ZDHHC14: variants seen among roughly 807,000 people sequenced by gnomAD.
ZDHHC14 encodes the protein palmitoyltransferase ZDHHC14.
A neutral mutation model predicts 47.7 loss-of-function variants in ZDHHC14; 16 were observed. The ratio of observed to expected loss-of-function variants is 0.34; its 90% confidence interval spans 0.23 to 0.51. The LOEUF (loss-of-function observed/expected upper bound fraction) is 0.51. Among genes scored for constraint, ZDHHC14 ranks in the 20% least tolerant of loss-of-function variants. ZDHHC14 has a pLI of 0.97. For synonymous variants in ZDHHC14, 293 were observed against 278.9 expected, an observed-to-expected ratio of 1.05 and a Z score of -0.50; for missense variants, 515 against 662.5, an observed-to-expected ratio of 0.78 and a Z score of 2.44.
intron 3 of ZDHHC14, among the ~76,000 whole-genome samples, chr6:157,611,136 G>A (rs936245990): frequency 1.3e-5 from 2 of 152,022 alleles, no homozygotes; most frequent in African/African-American, 2.4e-5. Flanking sequence ...AGTAGCTGGG[G>A]CTATAGGCAC....
chr6:157,567,971 A>G (rs1222328221), intron 2 of ZDHHC14, among the ~76,000 whole-genome samples: 9 of 152,166 alleles, frequency 5.9e-5, no homozygotes, highest in Admixed American at 3.9e-4. Context: ...GGTGGCCCCA[A>G]TGAGTGAAAT....
At chr6:157,581,332 T>C in intron 2 of ZDHHC14, among the ~76,000 whole-genome samples, 1 of 151,916 alleles carries the variant, frequency 6.6e-6, no homozygotes, top group East Asian at 1.9e-4. Context: ...GATTGTTTTA[T>C]GTCTGATTGT....
rs112828396 is a variant in ZDHHC14 at position 157,411,411 on chromosome 6, G to A, written c.245+29145G>A. ...GAAATGCATCTCGATAAATCTGTGTGAGAAGATGTCATATAATTGTGCATA... is the reference window on the plus strand; with the variant it reads ...GAAATGCATCTCGATAAATCTGTGTAAGAAGATGTCATATAATTGTGCATA... On this transcript the variant is annotated intron_variant, in intron 1 of 8. Coordinates refer to ENST00000359775, the MANE Select transcript of ZDHHC14 (RefSeq NM_024630.3). 4.3e-3 allele frequency among the ~76,000 whole-genome samples: 649 copies of A among 152,256 alleles called. 4 individuals carry two copies. The highest frequency in any genetic ancestry group is 0.014 in the African/African-American group (583 of 41,530).
At chr6:157,652,836 G>A (rs1777902171) in intron 7 of ZDHHC14, among the ~76,000 whole-genome samples, 1 of 152,184 alleles carries the variant, frequency 6.6e-6, no homozygotes, top group Non-Finnish European at 1.5e-5. Flanking sequence ...ACCATGGGGG[G>A]CCACAAGATG....
intron 1 of ZDHHC14, among the ~76,000 whole-genome samples, chr6:157,430,580 C>G (rs1778319301): frequency 6.6e-6 from 1 of 152,174 alleles, no homozygotes; most frequent in African/African-American, 2.4e-5. Context: ...GTCCTCTCTT[C>G]CAACTTTTAA....
Position 157,382,225 on chromosome 6 carries a change from C to G in ZDHHC14, c.204C>G (p.Leu68=). ...ARQTGVFYLT[L]VLILVTSGLF... is the part of the protein sequence containing the mutation. ...AGACGGGCGTCTTCTACCTGACGCT[C>G]GTCCTCATCCTGGTCACTAGCGGAC... The change falls in exon 1 of 9, where the codon CTC becomes CTG. Residue 68 remains leucine, a synonymous_variant. Coordinates refer to ENST00000359775, the MANE Select transcript of ZDHHC14 (RefSeq NM_024630.3). 6.2e-7 allele frequency: 1 copy of G among 1,612,704 alleles called. No homozygotes were observed. The highest frequency in any genetic ancestry group is 2.2e-5 in the East Asian group (1 of 44,682).
At chr6:157,665,262 A>G (rs1374030883) in intron 8 of ZDHHC14, among the ~76,000 whole-genome samples, 1 of 152,160 alleles carries the variant, frequency 6.6e-6, no homozygotes, top group Non-Finnish European at 1.5e-5. Flanking sequence ...TGTCTCTATA[A>G]TTAGAGGACA....
At chr6:157,661,765 C>T (rs974725096) in intron 8 of ZDHHC14, among the ~76,000 whole-genome samples, 2 of 152,248 alleles carry the variant, frequency 1.3e-5, no homozygotes, top group Admixed American at 1.3e-4. Flanking sequence ...TGAGGATTGA[C>T]TGAGATTCTA....
At chr6:157,448,127 C>T (rs886705859) in intron 1 of ZDHHC14, among the ~76,000 whole-genome samples, 1 of 152,206 alleles carries the variant, frequency 6.6e-6, no homozygotes, top group Non-Finnish European at 1.5e-5. Context: ...GATCCTCCCA[C>T]CCCAGCCTCC....
intron 1 of ZDHHC14, among the ~76,000 whole-genome samples, chr6:157,426,561 G>A (rs541802499): frequency 6.6e-6 from 1 of 152,278 alleles, no homozygotes; most frequent in Admixed American, 6.5e-5. Flanking sequence ...CGCAGGATGT[G>A]TGGGTCTGGC....
At chr6:157,581,597 G>C (rs1423922409) in intron 2 of ZDHHC14, among the ~76,000 whole-genome samples, 1 of 152,038 alleles carries the variant, frequency 6.6e-6, no homozygotes, top group Non-Finnish European at 1.5e-5. Flanking sequence ...TAATCTAGGT[G>C]CTCCTGTGTT....
At chr6:157,477,166 G>A (rs1355192758) in intron 1 of ZDHHC14, among the ~76,000 whole-genome samples, 1 of 152,200 alleles carries the variant, frequency 6.6e-6, no homozygotes, top group Non-Finnish European at 1.5e-5. Flanking sequence ...GGTCACCTGA[G>A]GTCAGGAGTT....
chr6:157,661,312 T>C (rs529517560), intron 8 of ZDHHC14, among the ~76,000 whole-genome samples: 8 of 152,334 alleles, frequency 5.3e-5, no homozygotes, highest in Non-Finnish European at 1.2e-4. Context: ...GAATCTGTTT[T>C]GTCAGCTAGC....
chr6:157,414,950 G>A (rs181349085), intron 1 of ZDHHC14, among the ~76,000 whole-genome samples: 1 of 149,660 alleles, frequency 6.7e-6, no homozygotes, highest in Non-Finnish European at 1.5e-5. Flanking sequence ...TTGGATCTTC[G>A]TAACTCTCAT....
intron 2 of ZDHHC14, among the ~76,000 whole-genome samples, chr6:157,547,932 C>T (rs1280650791): frequency 6.6e-6 from 1 of 150,842 alleles, no homozygotes; most frequent in Admixed American, 6.6e-5. Flanking sequence ...TGTCAATATT[C>T]ACCATAAAAT....
At chr6:157,593,378 G>T (rs1783995636) in intron 3 of ZDHHC14, among the ~76,000 whole-genome samples, 1 of 152,204 alleles carries the variant, frequency 6.6e-6, no homozygotes, top group South Asian at 2.1e-4. Flanking sequence ...CACGAGAATG[G>T]GGTCCTCTGT....
intron 1 of ZDHHC14, among the ~76,000 whole-genome samples, chr6:157,455,753 G>T (rs1778897837): frequency 6.7e-6 from 1 of 150,036 alleles, no homozygotes; most frequent in South Asian, 2.3e-4. Flanking sequence ...GTCAACTGGG[G>T]ATACAAGCGG....
chr6:157,602,565 G>C (rs1443975117), intron 3 of ZDHHC14, among the ~76,000 whole-genome samples: 1 of 151,678 alleles, frequency 6.6e-6, no homozygotes. Context: ...AGATTCCCCA[G>C]TTTGTCCCTA....
At chr6:157,490,108 A>G (rs1241826160) in intron 1 of ZDHHC14, among the ~76,000 whole-genome samples, 3 of 152,102 alleles carry the variant, frequency 2.0e-5, no homozygotes. Flanking sequence ...AGATAGAGAA[A>G]CACGGTGGAC....
Sources: allele counts gnomAD v4.1 joint callset (sites outside exome capture counted in the v4.1 genomes callset), GRCh38; gene constraint gnomAD v4.1.1; transcripts MANE v1.5; gene names NCBI Gene and HGNC (gene_info 2026-07-23, HGNC 2026-07-21).